Variants in SLAIN1 observed in about 807,000 individuals in gnomAD.
The protein encoded by SLAIN1 is SLAIN family member 1, also known as SLAIN motif-containing protein 1.
A neutral mutation model predicts 55.4 loss-of-function variants in SLAIN1; 17 were observed. That is an observed-to-expected ratio of 0.31 (90% CI 0.21 to 0.46). The LOEUF (loss-of-function observed/expected upper bound fraction) is 0.46, where lower values mean the gene tolerates loss of function less well. Ranked by LOEUF, SLAIN1 falls within the 20% of genes least tolerant of loss-of-function variation. The pLI, the probability that SLAIN1 is intolerant of heterozygous loss-of-function variation, is 1.00. For missense variants in SLAIN1, 682 were observed against 785.1 expected (o/e 0.87, Z 1.57); for synonymous variants, 348 against 337.4 (o/e 1.03, Z -0.35).
At chr13:77,726,017 A>G (rs1180436363) in intron 2 of SLAIN1, among the ~76,000 whole-genome samples, 1 of 152,202 alleles carries the variant, frequency 6.6e-6, no homozygotes, top group East Asian at 1.9e-4. Context: ...AGATTCCTCA[A>G]AAAGCTTTCA....
intron 5 of SLAIN1, among the ~76,000 whole-genome samples, chr13:77,755,348 G>T (rs561462600): frequency 5.9e-5 from 9 of 152,010 alleles, no homozygotes; most frequent in African/African-American, 2.2e-4. Context: ...AAAATCAATA[G>T]TGTAAGTGTG....
At chr13:77,716,286 T>G (rs1002620831) in intron 1 of SLAIN1, among the ~76,000 whole-genome samples, 2 of 152,000 alleles carry the variant, frequency 1.3e-5, no homozygotes, top group African/African-American at 4.8e-5. Flanking sequence ...TACACTAAAC[T>G]GTTTTCATTA....
intron 1 of SLAIN1, among the ~76,000 whole-genome samples, chr13:77,700,917 T>A (rs1271081182): frequency 6.6e-6 from 1 of 152,166 alleles, no homozygotes; most frequent in African/African-American, 2.4e-5. Flanking sequence ...CCCAATTTAT[T>A]ACCGTGACTC....
chr13:77,761,213 A>G (rs1436232296), intron 6 of SLAIN1, 103 bp downstream of exon 6: 2 of 1,144,636 alleles, frequency 1.7e-6, no homozygotes, highest in African/African-American at 3.1e-5. Context: ...TTAGTAAGAC[A>G]CTACCCTTTA....
chr13:77,751,901 C>T lies in SLAIN1; in HGVS notation c.1259-1302C>T, dbSNP rs1144382. On this transcript the variant is annotated intron_variant, in intron 4 of 6. Coordinates refer to ENST00000418532, the MANE Select transcript of SLAIN1 (RefSeq NM_001242868.2). ...TGCTTTTTTTTTCAGTTTAAATGAC[C>T]TGACATAGGTACTTTAGTTTTTGGG... Among the ~76,000 whole-genome samples the T allele has an allele frequency of 7.2e-3, 1,093 of 152,064 alleles. 14 individuals carry two copies. The highest frequency in any genetic ancestry group is 0.025 in the African/African-American group (1,022 of 41,470).
intron 1 of SLAIN1, among the ~76,000 whole-genome samples, chr13:77,713,288 G>A (rs1291932442): frequency 1.3e-5 from 2 of 152,046 alleles, no homozygotes; most frequent in Non-Finnish European, 2.9e-5. Flanking sequence ...CTGACAAAGC[G>A]CTAATATCCA....
At chr13:77,711,366 C>T (rs878916270) in intron 1 of SLAIN1, among the ~76,000 whole-genome samples, 6 of 151,910 alleles carry the variant, frequency 3.9e-5, no homozygotes, top group African/African-American at 7.2e-5. Flanking sequence ...GAATCAAATA[C>T]ACACAATAAA....
At chr13:77,721,132 G>A (rs562091595) in intron 2 of SLAIN1, among the ~76,000 whole-genome samples, 39 of 152,238 alleles carry the variant, frequency 2.6e-4, no homozygotes, top group Admixed American at 2.4e-3. Context: ...GGAGGTGACT[G>A]GATCATGGGG....
intron 1 of SLAIN1, among the ~76,000 whole-genome samples, chr13:77,717,719 A>C (rs2091221911): frequency 6.6e-6 from 1 of 152,202 alleles, no homozygotes. Flanking sequence ...TGATTGGCTT[A>C]GCTGAGTGCC....
chr13:77,757,159 C>A (rs1004980924), intron 5 of SLAIN1, among the ~76,000 whole-genome samples: 1 of 152,134 alleles, frequency 6.6e-6, no homozygotes, highest in African/African-American at 2.4e-5. Flanking sequence ...CCCTCACCCT[C>A]TGTATCTTCC....
chr13:77,731,497 A>G (rs538442708), intron 2 of SLAIN1, among the ~76,000 whole-genome samples: 1 of 152,282 alleles, frequency 6.6e-6, no homozygotes, highest in Admixed American at 6.5e-5. Flanking sequence ...ACGTACAAGG[A>G]AAAAAGATCA....
chr13:77,736,513 C>T (rs1313499219), intron 2 of SLAIN1, among the ~76,000 whole-genome samples: 3 of 152,104 alleles, frequency 2.0e-5, no homozygotes, highest in African/African-American at 4.8e-5. Context: ...CCTTATACTC[C>T]TCAAGCTACA....
intron 4 of SLAIN1, among the ~76,000 whole-genome samples, chr13:77,752,208 G>T (rs182417465): frequency 2.7e-5 from 4 of 150,458 alleles, no homozygotes; most frequent in Admixed American, 2.0e-4. Flanking sequence ...GACATCTGAA[G>T]TTTGAATTTT....
chr13:77,761,573 A>G (rs1297694840), intron 6 of SLAIN1, among the ~76,000 whole-genome samples: 1 of 152,204 alleles, frequency 6.6e-6, no homozygotes, highest in Admixed American at 6.5e-5. Flanking sequence ...TATTTGTTGA[A>G]TCAGTCATTT....
Position 77,760,866 on chromosome 13 carries a change from G to A in SLAIN1, c.1453G>A (p.Val485Met), listed in dbSNP as rs778093220. Reference sequence around the variant, plus strand: ...ACAGCTTCAACACAGGGTCCACAGCGTGGGGCATTTCCCAGTGTCTATCCG... The same window carrying A: ...ACAGCTTCAACACAGGGTCCACAGCATGGGGCATTTCCCAGTGTCTATCCG... ...PGQLQHRVHS[V>M]GHFPVSIRQP... The change falls in exon 6 of 7, where the codon GTG becomes ATG. Residue 485 changes from valine (V) to methionine (M), a missense_variant. By Grantham distance (21) the Val-to-Met change is conservative. Coordinates refer to ENST00000418532, the MANE Select transcript of SLAIN1 (RefSeq NM_001242868.2). 2.5e-5 allele frequency: 41 copies of A among 1,614,022 alleles called. 1 individual carries two copies. The highest frequency in any genetic ancestry group is 9.3e-5 in the African/African-American group (7 of 75,042).
intron 1 of SLAIN1, among the ~76,000 whole-genome samples, chr13:77,710,754 G>C (rs1453686457): frequency 1.3e-5 from 2 of 152,168 alleles, no homozygotes; most frequent in African/African-American, 4.8e-5. Context: ...GACATCTACA[G>C]AACTCTCCAC....
Position 77,744,401 on chromosome 13 carries a change from T to C in SLAIN1, c.885T>C (p.Asp295=). Residue 295 remains aspartate, a synonymous_variant, in exon 3 of 7, where the codon GAT becomes GAC. Transcript: ENST00000418532. ...SMGYKLQDLT[D]VQIMARLQEE... ...GATATAAATTACAGGACCTCACTGA[T>C]GTTCAGATCATGGCTCGTCTGCAAG... The C allele has an allele frequency of 6.2e-7, 1 of 1,612,716 alleles. No homozygotes were observed. The highest frequency in any genetic ancestry group is 8.5e-7 in the Non-Finnish European group (1 of 1,179,244).
chr13:77,739,166 T>G (rs1873283551), intron 2 of SLAIN1, among the ~76,000 whole-genome samples: 1 of 152,098 alleles, frequency 6.6e-6, no homozygotes. Flanking sequence ...AAAGTATTAA[T>G]GAAGTGCTTC....
chr13:77,728,797 GTC>G (rs980874879), intron 2 of SLAIN1, among the ~76,000 whole-genome samples: 1 of 152,192 alleles, frequency 6.6e-6, no homozygotes, highest in Non-Finnish European at 1.5e-5. Context: ...AACCTGTCCA[GTC>G]TCTCCTTGCT....
Sources: gnomAD v4.1 joint callset for allele counts (sites outside exome capture counted in the v4.1 genomes callset) on GRCh38, gnomAD v4.1.1 for gene constraint, MANE v1.5 for transcripts, NCBI Gene and HGNC (gene_info 2026-07-23, HGNC 2026-07-21) for gene names.